DAB1: variants seen among roughly 807,000 people sequenced by gnomAD.
The protein encoded by DAB1 is DAB adaptor protein 1, also known as disabled homolog 1.
A neutral mutation model predicts 64.6 loss-of-function variants in DAB1; 15 were observed. The ratio of observed to expected loss-of-function variants is 0.23; its 90% CI spans 0.16 to 0.36. The LOEUF is 0.36. DAB1 is among the 10% of genes least tolerant of loss of function. The probability of loss-of-function intolerance (pLI) is 1.00; values close to 1 mark genes in which losing one functional copy is unlikely to be tolerated. For missense variants in DAB1, 596 were observed against 706.7 expected (o/e 0.84, Z 1.78); for synonymous variants, 235 against 251.9 (o/e 0.93, Z 0.64).
At chr1:57,250,360 T>A (rs61360301) in intron 2 of DAB1, among the ~76,000 whole-genome samples, 10,745 of 152,290 alleles carry the variant, frequency 0.071, 536 homozygotes, top group East Asian at 0.28. Flanking sequence ...TGTATTCAGG[T>A]TATAATTATT....
At chr1:57,012,510 G>A (rs1228923871) in intron 12 of DAB1, among the ~76,000 whole-genome samples, 1 of 152,148 alleles carries the variant, frequency 6.6e-6, no homozygotes, top group Admixed American at 6.5e-5. Context: ...GTCCAACTGT[G>A]CTTTTCTGTT....
intron 4 of DAB1, among the ~76,000 whole-genome samples, chr1:58,336,931 A>G (rs1316468178): frequency 2.6e-5 from 4 of 152,134 alleles, no homozygotes; most frequent in African/African-American, 9.7e-5. Context: ...TGCAGTGCCT[A>G]AAACTTGGAA....
rs550013721 is a variant in DAB1 at position 57,095,509 on chromosome 1, A to G, written c.307-23095T>C. The stretch of plus-strand genomic sequence containing the variant: ...TTTGGCAGATATACTTAGACTCCCC[A>G]TTTCAAACAAAGAAAAGTCAACTTT... On this transcript the variant is annotated intron_variant, in intron 4 of 14. Coordinates refer to ENST00000371236, the MANE Select transcript of DAB1 (RefSeq NM_001365792.1). Among the ~76,000 whole-genome samples the G allele has an allele frequency of 3.9e-5, 6 of 152,308 alleles. No individual in the cohort carries two copies. The South Asian group carries it at 8.3e-4, about 21-fold the overall frequency.
intron 7 of DAB1, among the ~76,000 whole-genome samples, chr1:57,433,297 A>C (rs1685579170): frequency 6.6e-6 from 1 of 152,158 alleles, no homozygotes; most frequent in Admixed American, 6.5e-5. Context: ...GGTTTATCCT[A>C]CCTGATTTCA....
chr1:58,519,623 A>G (rs1255675072), intron 2 of DAB1, among the ~76,000 whole-genome samples: 2 of 152,218 alleles, frequency 1.3e-5, no homozygotes, highest in Non-Finnish European at 2.9e-5. Context: ...GTTTATATGA[A>G]ACATCCAGCA....
intron 6 of DAB1, among the ~76,000 whole-genome samples, chr1:57,793,135 C>A (rs534491416): frequency 6.6e-6 from 1 of 152,180 alleles, no homozygotes; most frequent in Admixed American, 6.5e-5. Context: ...GTAATCCAAA[C>A]ACAATATCTA....
At chr1:57,178,844 G>T (rs1662613423) in intron 2 of DAB1, among the ~76,000 whole-genome samples, 1 of 148,228 alleles carries the variant, frequency 6.7e-6, no homozygotes, top group Non-Finnish European at 1.5e-5. Context: ...GATAGTGTGT[G>T]GTAGCTATTA....
chr1:57,192,581 A>G (rs1664240040), intron 2 of DAB1, among the ~76,000 whole-genome samples: 1 of 152,082 alleles, frequency 6.6e-6, no homozygotes, highest in Non-Finnish European at 1.5e-5. Flanking sequence ...CATCAGCAAC[A>G]TCCTTACTCT....
chr1:57,036,477 A>C (rs1647157094), intron 9 of DAB1, among the ~76,000 whole-genome samples: 1 of 152,168 alleles, frequency 6.6e-6, no homozygotes, highest in South Asian at 2.1e-4. Flanking sequence ...GCCAGTGGGG[A>C]GATGCTGCCA....
At chr1:58,070,505 T>C (rs1649167671) in intron 5 of DAB1, among the ~76,000 whole-genome samples, 1 of 152,224 alleles carries the variant, frequency 6.6e-6, no homozygotes, top group South Asian at 2.1e-4. Context: ...ATCTCAGTCT[T>C]ACTTCTGCAG....
At chr1:58,141,981 C>T (rs1654310896) in intron 5 of DAB1, among the ~76,000 whole-genome samples, 1 of 152,210 alleles carries the variant, frequency 6.6e-6, no homozygotes, top group African/African-American at 2.4e-5. Context: ...CAAAACACAG[C>T]AGGCCCTGGT....
At chr1:57,158,002 G>A (rs72911117) in intron 2 of DAB1, among the ~76,000 whole-genome samples, 7,183 of 152,204 alleles carry the variant, frequency 0.047, 596 homozygotes, top group African/African-American at 0.17. Flanking sequence ...CTTTGAGGTC[G>A]GAAGGCATCA....
chr1:57,847,699 G>A (rs1211079719), intron 1 of DAB1, among the ~76,000 whole-genome samples: 1 of 152,036 alleles, frequency 6.6e-6, no homozygotes, highest in Admixed American at 6.6e-5. Flanking sequence ...GAAATGAGCT[G>A]TTACATAATG....
At chr1:57,074,958 C>T (rs534128601) in intron 4 of DAB1, among the ~76,000 whole-genome samples, 1 of 152,216 alleles carries the variant, frequency 6.6e-6, no homozygotes, top group African/African-American at 2.4e-5. Flanking sequence ...GATTTACATT[C>T]GCACAACATG....
rs192211747 is a variant in DAB1 at position 57,208,056 on chromosome 1, T to G, written c.68-62627A>C. Among the ~76,000 whole-genome samples, 2 of 152,276 alleles carry G rather than the reference T, an allele frequency of 1.3e-5. 1 individual carries two copies. The highest frequency in any genetic ancestry group is 1.3e-4 in the Admixed American group (2 of 15,306). ...AAGGATTGTAATGCAAGTAATTTAT[T>G]TGGGAGTTGCAAATAACACTGTCAT... is the stretch of plus-strand genomic sequence containing the variant. On this transcript the variant is annotated intron_variant, in intron 2 of 14. Transcript: ENST00000371236.
chr1:57,790,893 A>G (rs962261044), intron 6 of DAB1, among the ~76,000 whole-genome samples: 1 of 152,200 alleles, frequency 6.6e-6, no homozygotes, highest in Admixed American at 6.5e-5. Context: ...TCACACTCAC[A>G]TGCATGTGTA....
At chr1:58,471,159 T>C (rs78537160) in intron 3 of DAB1, among the ~76,000 whole-genome samples, 2,662 of 152,296 alleles carry the variant, frequency 0.017, 43 homozygotes, top group Middle Eastern at 0.044. Flanking sequence ...AGTGCCAGCA[T>C]TGTCCTAGCA....
intron 5 of DAB1, among the ~76,000 whole-genome samples, chr1:58,049,839 C>G (rs1053806628): frequency 3.3e-5 from 5 of 151,952 alleles, no homozygotes; most frequent in African/African-American, 7.3e-5. Context: ...CACACACACA[C>G]AGCAGTGAAC....
chr1:57,750,219 C>T (rs1230013181), intron 6 of DAB1, among the ~76,000 whole-genome samples: 1 of 152,166 alleles, frequency 6.6e-6, no homozygotes, highest in African/African-American at 2.4e-5. Flanking sequence ...GATGCCATCT[C>T]TCCTTCCCTT....
Sources: allele counts gnomAD v4.1 joint callset (sites outside exome capture counted in the v4.1 genomes callset), GRCh38; gene constraint gnomAD v4.1.1; transcripts MANE v1.5; gene names NCBI Gene and HGNC (gene_info 2026-07-23, HGNC 2026-07-21).